PRKDC: variants seen among roughly 807,000 people sequenced by gnomAD.
The protein encoded by PRKDC is protein kinase, DNA-activated, catalytic subunit.
In PRKDC, 82 loss-of-function variants were observed where a neutral mutation model predicts 486.9. The ratio of observed to expected loss-of-function variants is 0.17; its 90% CI spans 0.14 to 0.20. The LOEUF (loss-of-function observed/expected upper bound fraction) is 0.20, where lower values mean the gene tolerates loss of function less well. PRKDC is among the 10% of genes least tolerant of loss of function. PRKDC has a pLI of 1.00. For missense variants in PRKDC, 4,504 were observed against 5,038.2 expected, an observed-to-expected ratio of 0.89 and a Z score of 3.21; for synonymous variants, 1,895 against 1,837.0, an observed-to-expected ratio of 1.03 and a Z score of -0.81.
intron 74 of PRKDC, among the ~76,000 whole-genome samples, chr8:47,791,747 T>C (rs974487574): frequency 5.9e-5 from 9 of 152,210 alleles, no homozygotes; most frequent in East Asian, 1.9e-4. Flanking sequence ...TTGTATACTA[T>C]TGGTGGGAAT....
intron 22 of PRKDC, among the ~76,000 whole-genome samples, chr8:47,917,525 T>C (rs1053912883): frequency 6.6e-6 from 1 of 152,174 alleles, no homozygotes; most frequent in African/African-American, 2.4e-5. Context: ...TCTAACTCAA[T>C]TTTCTCTATT....
intron 9 of PRKDC, 46 bp from the exon 10 acceptor site, chr8:47,943,412 CAG>C (rs756528500): frequency 3.9e-6 from 6 of 1,538,234 alleles, no homozygotes; most frequent in Admixed American, 2.1e-5. Flanking sequence ...CGACATAACA[CAG>C]AACAGAAAAC....
chr8:47,782,741 C>T lies in PRKDC; in HGVS notation c.11176-143G>A. 3.8e-6 allele frequency: 3 copies of T among 782,812 alleles called. No homozygotes were observed. Among genetic ancestry groups the T allele is most frequent in the East Asian group, 2.7e-5 (1 of 36,952 alleles). The allele number at this position is 782,812 out of a possible 1,614,324, so 48.5% of individuals were successfully genotyped here. On this transcript the variant is annotated intron_variant, in intron 78 of 85. Transcript: ENST00000314191. This position sits in a 1 kb window ranked among gnomAD's most constrained non-coding sequence, Gnocchi z 4.9. Reference sequence around the variant, plus strand: ...AAGAGCAGAGCGCCCAGGCCAGCAACGAATTTCTGCTACCTGCTTGTGCCT... The same window carrying T: ...AAGAGCAGAGCGCCCAGGCCAGCAATGAATTTCTGCTACCTGCTTGTGCCT...
intron 62 of PRKDC, 131 bp from the exon 63 acceptor site, chr8:47,826,992 G>T: frequency 1.2e-6 from 1 of 838,532 alleles, no homozygotes; most frequent in Non-Finnish European, 1.8e-6. Flanking sequence ...GTTTCTCTGT[G>T]TAATGCTATT....
intron 68 of PRKDC, among the ~76,000 whole-genome samples, chr8:47,816,064 T>C (rs1589716200): frequency 6.6e-6 from 1 of 151,946 alleles, no homozygotes; most frequent in Non-Finnish European, 1.5e-5. Context: ...AAATACAAAA[T>C]TTAGCCGGGC....
chr8:47,824,673 G>A (rs913940156), intron 63 of PRKDC, among the ~76,000 whole-genome samples: 1 of 152,096 alleles, frequency 6.6e-6, no homozygotes, highest in African/African-American at 2.4e-5. Flanking sequence ...TTTAATCCAT[G>A]TTCTATGGAC....
intron 49 of PRKDC, 75 bp downstream of exon 49, chr8:47,857,081 G>T: frequency 6.9e-7 from 1 of 1,443,566 alleles, no homozygotes; most frequent in Non-Finnish European, 9.2e-7. Flanking sequence ...AGAGGGACCT[G>T]AATTATGTGT....
At position 47,902,724 on chromosome 8, in the gene PRKDC, T is replaced by C; in HGVS notation, c.3114A>G (p.Lys1038=). The change falls in exon 27 of 86, where the codon AAA becomes AAG. Residue 1038 remains lysine, a synonymous_variant. Transcript: ENST00000314191. ...FCGRCIREFL[K]WSIKQITPQQ... The stretch of plus-strand genomic sequence containing the variant: ...GTGGTGTTATTTGCTTAATGGACCA[T>C]TTAAGGAATTCTCGAATACACCGAC... The C allele has an allele frequency of 1.2e-6, 2 of 1,613,936 alleles. No homozygotes were observed. The highest frequency in any genetic ancestry group is 1.7e-6 in the Non-Finnish European group (2 of 1,179,856).
chr8:47,808,345 C>T (rs1337346852), intron 68 of PRKDC, among the ~76,000 whole-genome samples: 2 of 152,032 alleles, frequency 1.3e-5, no homozygotes, highest in Non-Finnish European at 1.5e-5. Flanking sequence ...CGGAGGCTTG[C>T]TATGTTGCCA....
At chr8:47,876,333 A>G (rs996090563) in intron 40 of PRKDC, among the ~76,000 whole-genome samples, 1 of 152,220 alleles carries the variant, frequency 6.6e-6, no homozygotes, top group Non-Finnish European at 1.5e-5. Context: ...GTTTACTATG[A>G]GGAGTAGCCA....
At chr8:47,823,628 A>G (rs2087657646) in intron 64 of PRKDC, among the ~76,000 whole-genome samples, 2 of 152,150 alleles carry the variant, frequency 1.3e-5, no homozygotes, top group Admixed American at 1.3e-4. Flanking sequence ...CAACCTATTC[A>G]AACAGAAACT....
intron 49 of PRKDC, among the ~76,000 whole-genome samples, chr8:47,856,885 T>C (rs1458267573): frequency 6.6e-6 from 1 of 152,222 alleles, no homozygotes; most frequent in African/African-American, 2.4e-5. Context: ...CAATCTCATT[T>C]CTAAGGCAAG....
chr8:47,898,675 T>G (rs1433518316), intron 28 of PRKDC, 106 bp from the exon 29 acceptor site: 1 of 610,502 alleles, frequency 1.6e-6, no homozygotes, highest in Non-Finnish European at 2.5e-6. Context: ...GAAAAGGTAA[T>G]TTTACTATAG....
intron 25 of PRKDC, among the ~76,000 whole-genome samples, chr8:47,909,278 A>T (rs960458710): frequency 6.6e-6 from 1 of 152,214 alleles, no homozygotes; most frequent in African/African-American, 2.4e-5. Flanking sequence ...AGTTCCCAAA[A>T]TTAATACTTT....
rs780151027 is a variant in PRKDC, at chr8:47,782,363, C to A, written c.11396+15G>T. On this transcript the variant is annotated intron_variant, in intron 79 of 85. Transcript: ENST00000314191. The surrounding 1 kb of genome is among the most constrained non-coding windows in gnomAD (Gnocchi z 4.9). The stretch of plus-strand genomic sequence containing the variant: ...TATGCAGCAGCCTACTGGCTGGGAG[C>A]AGCCTGGCAGTTACCTGGAGGTCAT... The A allele has an allele frequency of 6.2e-7, 1 of 1,606,722 alleles. No homozygotes were observed. The highest frequency in any genetic ancestry group is 8.5e-7 in the Non-Finnish European group (1 of 1,176,490).
At chr8:47,914,522 G>A (rs1263447642) in intron 23 of PRKDC, among the ~76,000 whole-genome samples, 2 of 152,144 alleles carry the variant, frequency 1.3e-5, no homozygotes. Context: ...AGGCACAGTG[G>A]GGCATGGTAG....
chr8:47,879,789 C>A (rs2154501408), intron 38 of PRKDC, 131 bp from the exon 39 acceptor site: 361 of 382,454 alleles, frequency 9.4e-4, no homozygotes, highest in Middle Eastern at 2.5e-3. Flanking sequence ...ACCATAATTT[C>A]TAAATTATAT....
rs185169729 is a variant in PRKDC, at chr8:47,891,447, G to A, written c.3848-967C>T. Among the ~76,000 whole-genome samples, 59 of 152,290 alleles carry A rather than the reference G, an allele frequency of 3.9e-4. 1 individual carries two copies. In the East Asian group the frequency reaches 6.4e-3, roughly 16 times the overall value. ...TATTAAGAATTATTCTCAGCCGGGCGCGGTGGCTCACACCTGTAATCCCAG... is the reference window on the plus strand; with the variant it reads ...TATTAAGAATTATTCTCAGCCGGGCACGGTGGCTCACACCTGTAATCCCAG... On this transcript the variant is annotated intron_variant, in intron 31 of 85. Transcript: ENST00000314191.
intron 21 of PRKDC, among the ~76,000 whole-genome samples, chr8:47,918,624 T>C (rs2090025923): frequency 6.6e-6 from 1 of 152,178 alleles, no homozygotes; most frequent in Non-Finnish European, 1.5e-5. Context: ...GCATGAATCA[T>C]CTCATGGAGC....
Sources: gnomAD v4.1 joint callset for allele counts (sites outside exome capture counted in the v4.1 genomes callset) on GRCh38, gnomAD v4.1.1 for gene constraint, Gnocchi (gnomAD v3.1) non-coding constraint, MANE v1.5 for transcripts, NCBI Gene and HGNC (gene_info 2026-07-23, HGNC 2026-07-21) for gene names.